The following GLI3 variants were observed in gnomAD, a reference collection of about 807,000 sequenced individuals.
The protein encoded by GLI3 is GLI family zinc finger 3, also known as transcription activator GLI3.
In GLI3, 20 loss-of-function variants were observed where a neutral mutation model predicts 100.8. The ratio of observed to expected loss-of-function variants is 0.20; its 90% CI spans 0.14 to 0.29. GLI3 has a LOEUF of 0.29. GLI3 is among the 10% of genes least tolerant of loss of function. GLI3 has a pLI of 1.00. For missense variants in GLI3, 2,040 were observed against 2,128.5 expected (o/e 0.96, Z 0.82); for synonymous variants, 938 against 860.5 (o/e 1.09, Z -1.58).
chr7:41,966,045 G>T lies in GLI3; in HGVS notation c.3028C>A (p.Arg1010=), dbSNP rs1208589443. The change falls in exon 15 of 15, where the codon CGG becomes AGG. Residue 1010 remains arginine, a synonymous_variant. Transcript: ENST00000395925. The surrounding 1 kb of genome is among the most constrained non-coding windows in gnomAD (Gnocchi z 5.8). ...HGVRRASDPV[R]TGSEGLALPR... ...AGGGCCAGGCCCTCGGAGCCTGTCC[G>T]CACCGGGTCGCTGGCCCTCCTCACG... The T allele has an allele frequency of 4.4e-6, 7 of 1,585,516 alleles. No homozygotes were observed. In the Admixed American group the frequency reaches 5.1e-5, roughly 12 times the overall value.
intron 2 of GLI3, among the ~76,000 whole-genome samples, chr7:42,158,138 G>A (rs1562763969): frequency 1.3e-5 from 2 of 152,164 alleles, no homozygotes; most frequent in Admixed American, 6.5e-5. Context: ...GCCCACTCTG[G>A]AAAGGCATAA....
intron 2 of GLI3, among the ~76,000 whole-genome samples, chr7:42,193,784 C>G (rs1787874081): frequency 1.3e-5 from 2 of 152,136 alleles, no homozygotes; most frequent in Admixed American, 6.5e-5. Flanking sequence ...AAAAATAACT[C>G]TTGATTACGA....
chr7:42,216,468 GC>G (rs1412100999), intron 2 of GLI3, among the ~76,000 whole-genome samples: 1 of 152,154 alleles, frequency 6.6e-6, no homozygotes, highest in Non-Finnish European at 1.5e-5. Flanking sequence ...AACAGAGTGA[GC>G]CCCCATGTGA....
intron 3 of GLI3, among the ~76,000 whole-genome samples, chr7:42,127,004 C>A (rs1256687873): frequency 2.0e-5 from 3 of 152,230 alleles, no homozygotes; most frequent in Admixed American, 6.5e-5. Flanking sequence ...TTTACACTCC[C>A]ACACTCGATA....
intron 3 of GLI3, among the ~76,000 whole-genome samples, chr7:42,101,440 T>C (rs1194304768): frequency 6.7e-6 from 1 of 149,330 alleles, no homozygotes; most frequent in Non-Finnish European, 1.5e-5. Context: ...GTCTCTACAA[T>C]TTTTTTTTTC....
chr7:42,012,125 C>T (rs565153411), intron 10 of GLI3, among the ~76,000 whole-genome samples: 1 of 152,278 alleles, frequency 6.6e-6, no homozygotes, highest in African/African-American at 2.4e-5. Flanking sequence ...AAAGAAACGA[C>T]TTGATGCATG....
intron 1 of GLI3, among the ~76,000 whole-genome samples, chr7:42,236,626 G>A (rs539250822): frequency 1.1e-4 from 17 of 152,320 alleles, no homozygotes; most frequent in African/African-American, 4.1e-4. Context: ...GCGCGTGCGG[G>A]GCTCGCGGAG....
At chr7:42,137,425 G>A (rs1385230455) in intron 3 of GLI3, among the ~76,000 whole-genome samples, 10 of 152,086 alleles carry the variant, frequency 6.6e-5, no homozygotes, top group Admixed American at 3.3e-4. Flanking sequence ...CCTGGCCAAT[G>A]ACCACATTGG....
intron 2 of GLI3, among the ~76,000 whole-genome samples, chr7:42,180,164 C>G (rs1787564845): frequency 6.6e-6 from 1 of 152,090 alleles, no homozygotes; most frequent in African/African-American, 2.4e-5. Context: ...CGGAGGACAA[C>G]AGAGAAGGCC....
chr7:42,231,276 T>A (rs1788692156), intron 1 of GLI3, among the ~76,000 whole-genome samples: 1 of 152,254 alleles, frequency 6.6e-6, no homozygotes, highest in Non-Finnish European at 1.5e-5. Flanking sequence ...AAGTACTACT[T>A]ACCATATTTT....
intron 4 of GLI3, among the ~76,000 whole-genome samples, chr7:42,059,922 C>A (rs1784534701): frequency 6.6e-6 from 1 of 152,254 alleles, no homozygotes; most frequent in African/African-American, 2.4e-5. Flanking sequence ...TCAAAGGAGT[C>A]TTTCCTTCTG....
intron 2 of GLI3, among the ~76,000 whole-genome samples, chr7:42,219,853 C>CTTT (rs769305998): frequency 4.5e-5 from 6 of 133,726 alleles, no homozygotes; most frequent in African/African-American, 5.6e-5. Context: ...AAACTGAACT[C>CTTT]TTTTTTTTTT....
At chr7:42,044,890 A>T (rs973853381) in intron 6 of GLI3, among the ~76,000 whole-genome samples, 30 of 152,058 alleles carry the variant, frequency 2.0e-4, no homozygotes, top group African/African-American at 5.1e-4. Flanking sequence ...ACAGGAAAAA[A>T]TTTTTTTGGT....
intron 7 of GLI3, among the ~76,000 whole-genome samples, chr7:42,033,816 G>GA (rs916162885): frequency 3.3e-5 from 5 of 151,960 alleles, no homozygotes; most frequent in Non-Finnish European, 7.4e-5. Flanking sequence ...ATTTGAGAGG[G>GA]AAAAAAATAA....
chr7:42,252,601 T>G (rs1372265864), intron 1 of GLI3, among the ~76,000 whole-genome samples: 1 of 152,210 alleles, frequency 6.6e-6, no homozygotes, highest in Non-Finnish European at 1.5e-5. Context: ...GGATAGAATT[T>G]GAGTCACCTC....
intron 2 of GLI3, among the ~76,000 whole-genome samples, chr7:42,200,708 G>A (rs529376072): frequency 2.6e-4 from 40 of 152,278 alleles, no homozygotes; most frequent in African/African-American, 9.6e-4. Flanking sequence ...TGAGAAGGAA[G>A]GTCAGGCTTC....
chr7:42,031,378 T>C (rs1231797081), intron 7 of GLI3, among the ~76,000 whole-genome samples: 1 of 152,190 alleles, frequency 6.6e-6, no homozygotes, highest in East Asian at 1.9e-4. Context: ...GCCCAGATCT[T>C]CCCAAGCAAC....
intron 2 of GLI3, among the ~76,000 whole-genome samples, chr7:42,164,623 G>T (rs974370077): frequency 1.2e-4 from 18 of 152,204 alleles, no homozygotes; most frequent in African/African-American, 4.3e-4. Flanking sequence ...GGGGTCAGGA[G>T]ATCGAGACCA....
chr7:42,073,643 T>A (rs1259461627), intron 4 of GLI3, among the ~76,000 whole-genome samples: 1 of 152,222 alleles, frequency 6.6e-6, no homozygotes, highest in Non-Finnish European at 1.5e-5. Flanking sequence ...GATAGCATAA[T>A]TATAGAAGCG....
Sources: allele counts gnomAD v4.1 joint callset (sites outside exome capture counted in the v4.1 genomes callset), GRCh38; gene constraint gnomAD v4.1.1; non-coding constraint Gnocchi (gnomAD v3.1); transcripts MANE v1.5; gene names NCBI Gene and HGNC (gene_info 2026-07-23, HGNC 2026-07-21).